Variants in FRMPD4 observed in about 807,000 individuals in gnomAD.
FRMPD4 encodes FERM and PDZ domain-containing protein 4.
FRMPD4 carries 22 observed loss-of-function variants against 94.1 expected under a neutral mutation model. The observed-to-expected ratio is 0.23, with a 90% CI of 0.17 to 0.33. The LOEUF (loss-of-function observed/expected upper bound fraction) is 0.33, where lower values mean the gene tolerates loss of function less well. Among genes scored for constraint, FRMPD4 ranks in the 10% least tolerant of loss-of-function variants. The probability of loss-of-function intolerance (pLI) is 1.00; values close to 1 mark genes in which losing one functional copy is unlikely to be tolerated. For synonymous variants in FRMPD4, 631 were observed against 548.6 expected (o/e 1.15, Z -2.10); for missense variants, 1,111 against 1,339.9 (o/e 0.83, Z 2.67).
At chrX:11,885,829 G>A (rs1003463471) in intron 3 of FRMPD4, among the ~76,000 whole-genome samples, 6 of 111,287 alleles carry the variant, frequency 5.4e-5, no homozygotes. Flanking sequence ...TTTTCAAAGA[G>A]GCATGTTATC....
intron 3 of FRMPD4, among the ~76,000 whole-genome samples, chrX:11,968,089 T>A (rs5935210): frequency 0.011 from 1,226 of 110,814 alleles, 5 homozygotes; most frequent in Non-Finnish European, 0.015. Flanking sequence ...TAGGCTATTT[T>A]CCCAGTAGCC....
chrX:12,361,854 C>T (rs1191801038), intron 1 of FRMPD4, among the ~76,000 whole-genome samples: 1 of 111,303 alleles, frequency 9.0e-6, no homozygotes, highest in Non-Finnish European at 1.9e-5. Flanking sequence ...CTAGTAGCTC[C>T]AGGCATTTCT....
chrX:12,478,691 G>T (rs1199535599), intron 1 of FRMPD4, among the ~76,000 whole-genome samples: 1 of 112,375 alleles, frequency 8.9e-6, no homozygotes, highest in Non-Finnish European at 1.9e-5. Context: ...GCAGACACAA[G>T]ATTTGAATTA....
At chrX:12,247,248 C>A (rs1368654027) in intron 1 of FRMPD4, among the ~76,000 whole-genome samples, 1 of 111,399 alleles carries the variant, frequency 9.0e-6, no homozygotes, top group East Asian at 2.8e-4. Flanking sequence ...TCAAAAATAT[C>A]TCCAGATATT....
chrX:12,670,137 C>T (rs967320625), intron 4 of FRMPD4, among the ~76,000 whole-genome samples: 1 of 111,902 alleles, frequency 8.9e-6, no homozygotes, highest in South Asian at 3.8e-4. Context: ...TAGCATTTGT[C>T]CCACAGCCTT....
chrX:12,629,379 G>T (rs1257507171), intron 4 of FRMPD4, among the ~76,000 whole-genome samples: 1 of 111,757 alleles, frequency 8.9e-6, no homozygotes, highest in African/African-American at 3.3e-5. Flanking sequence ...ATATTGTCCT[G>T]CTGTGTGCTA....
At chrX:12,318,482 C>T (rs2055160014) in intron 1 of FRMPD4, among the ~76,000 whole-genome samples, 1 of 111,862 alleles carries the variant, frequency 8.9e-6, no homozygotes. Flanking sequence ...CATGATCCTT[C>T]TACTACACTC....
Position 12,716,448 on chromosome X carries a change from T to C in FRMPD4, c.1989T>C (p.Gly663=). 2.5e-6 allele frequency: 3 copies of C among 1,209,691 alleles called. No individual in the cohort carries two copies. Among genetic ancestry groups the C allele is most frequent in the Non-Finnish European group, 2.2e-6 (2 of 894,159 alleles). Residue 663 remains glycine (G), a synonymous_variant, in exon 15 of 17, where the codon GGT becomes GGC. Coordinates refer to ENST00000675598, the MANE Select transcript of FRMPD4 (RefSeq NM_001368397.1). ...TTGGAGACTTCGCCTTGGATGATGGTATTAGTCCCCCAACCCTTGGCTATG... is the reference window on the plus strand; with the variant it reads ...TTGGAGACTTCGCCTTGGATGATGGCATTAGTCCCCCAACCCTTGGCTATG... ...FIFGDFALDD[G]ISPPTLGYET...
chrX:12,458,808 C>T lies in FRMPD4; in HGVS notation c.42-39872C>T, dbSNP rs190836119. ...TGGAAGAAGCCTAAGATGCAAGTCA[C>T]TTGTCCAAGCCTGACTCCAATGGAG... On this transcript the variant is annotated intron_variant, in intron 1 of 16. Transcript: ENST00000675598. Among the ~76,000 whole-genome samples the T allele has an allele frequency of 1.0e-3, 112 of 111,904 alleles. No homozygotes were observed. The East Asian group carries it at 0.029, about 29-fold the overall frequency.
intron 1 of FRMPD4, among the ~76,000 whole-genome samples, chrX:12,204,586 G>A (rs1182445912): frequency 9.0e-6 from 1 of 110,827 alleles, no homozygotes; most frequent in African/African-American, 3.3e-5. Flanking sequence ...TTTGATTTTC[G>A]AAGCCTCCTT....
intron 4 of FRMPD4, 23 bp from the exon 5 acceptor site, chrX:12,674,840 A>G (rs2059880507): frequency 7.6e-6 from 8 of 1,052,389 alleles, no homozygotes; most frequent in Non-Finnish European, 8.0e-6. Flanking sequence ...TATCATAAAT[A>G]TGTTTGTTTT....
chrX:12,346,630 C>A (rs917735578), intron 1 of FRMPD4, among the ~76,000 whole-genome samples: 1 of 111,510 alleles, frequency 9.0e-6, no homozygotes, highest in Non-Finnish European at 1.9e-5. Flanking sequence ...GCACCCCTTA[C>A]AAATAATTTG....
At chrX:12,661,865 C>T (rs919132442) in intron 4 of FRMPD4, among the ~76,000 whole-genome samples, 2 of 111,856 alleles carry the variant, frequency 1.8e-5, no homozygotes, top group African/African-American at 6.5e-5. Context: ...AGTCCTGTGG[C>T]GACTTTTCTG....
intron 3 of FRMPD4, among the ~76,000 whole-genome samples, chrX:11,961,214 T>G (rs1403333959): frequency 8.9e-6 from 1 of 112,208 alleles, no homozygotes; most frequent in Non-Finnish European, 1.9e-5. Flanking sequence ...CAGAGAATGG[T>G]ACATGATTGG....
intron 2 of FRMPD4, among the ~76,000 whole-genome samples, chrX:12,605,935 CTTTCT>C (rs1447282241): frequency 1.8e-5 from 2 of 112,218 alleles, no homozygotes; most frequent in Non-Finnish European, 3.8e-5. Flanking sequence ...AGCGTGAACA[CTTTCT>C]TTTTTGTCTG....
chrX:12,362,628 C>T (rs1443177018), intron 1 of FRMPD4, among the ~76,000 whole-genome samples: 1 of 111,229 alleles, frequency 9.0e-6, no homozygotes, highest in African/African-American at 3.3e-5. Context: ...GGGTTGGTTC[C>T]AAGTCTTTGC....
chrX:12,723,212 T>C lies in FRMPD4; in HGVS notation c.*1354T>C, dbSNP rs905430178. On this transcript the variant is annotated 3_prime_UTR_variant, in exon 17 of 17. Transcript: ENST00000675598. ...AAGAACTTTCCAGGACTGTCACATCTCTAAAAGTACCCTGCAGTCATAAAA... is the reference window on the plus strand; with the variant it reads ...AAGAACTTTCCAGGACTGTCACATCCCTAAAAGTACCCTGCAGTCATAAAA... 9.8e-5 allele frequency: 11 copies of C among 111,783 alleles called. No individual in the cohort carries two copies. The highest frequency in any genetic ancestry group is 2.1e-4 in the Non-Finnish European group (11 of 53,135). 9.2% of individuals were successfully genotyped at this position (111,783 alleles called of 1,213,427 possible).
In FRMPD4 at chrX:12,341,342, C is replaced by T. The variant is rs749466351; in HGVS notation, c.42-157338C>T. On this transcript the variant is annotated intron_variant, in intron 1 of 16. Transcript: ENST00000675598. ...AATGAAATATTGTCCTACCTTGAAC[C>T]ATTTTTTTTTTCTTCATGGGTAAGT... 7.4e-3 allele frequency among the ~76,000 whole-genome samples: 726 copies of T among 97,784 alleles called. 5 individuals carry two copies. The highest frequency in any genetic ancestry group is 0.04 in the African/African-American group (701 of 17,605). 84.9% of individuals were successfully genotyped at this position (97,784 alleles called of 115,157 possible). A position where few individuals can be genotyped will look rare whatever the true frequency, so the allele number is the denominator to read the frequency against.
At chrX:11,948,209 ATGTT>A (rs972422653) in intron 3 of FRMPD4, among the ~76,000 whole-genome samples, 6 of 110,830 alleles carry the variant, frequency 5.4e-5, no homozygotes, top group Admixed American at 9.7e-5. Flanking sequence ...TGTGGACTGA[ATGTT>A]TGTGTGCCTC....
Sources: allele counts gnomAD v4.1 joint callset (sites outside exome capture counted in the v4.1 genomes callset), GRCh38; gene constraint gnomAD v4.1.1; transcripts MANE v1.5; gene names NCBI Gene and HGNC (gene_info 2026-07-23, HGNC 2026-07-21).